SRGAP2B: variants seen among roughly 807,000 people sequenced by gnomAD.
SRGAP2B encodes the protein SLIT-ROBO Rho GTPase activating protein 2B, also known as SLIT-ROBO Rho GTPase-activating protein 2B.
A neutral mutation model predicts 22.2 loss-of-function variants in SRGAP2B; 9 were observed. That is an observed-to-expected ratio of 0.41 (90% CI 0.24 to 0.71). SRGAP2B has a LOEUF of 0.71. Ranked by LOEUF, SRGAP2B falls within the 30% of genes least tolerant of loss-of-function variation. SRGAP2B has a pLI of 0.35. For synonymous variants in SRGAP2B, 36 were observed against 87.4 expected, an observed-to-expected ratio of 0.41 and a Z score of 3.28; for missense variants, 114 against 235.8, an observed-to-expected ratio of 0.48 and a Z score of 3.38.
At chr1:144,984,242 C>T (rs1669527373) in intron 3 of SRGAP2B, among the ~76,000 whole-genome samples, 1 of 149,902 alleles carries the variant, frequency 6.7e-6, no homozygotes, top group Admixed American at 6.6e-5. Context: ...ATAGCTTGAA[C>T]CTGGGAGGCA....
chr1:144,970,974 A>C (rs1309372223), intron 3 of SRGAP2B, among the ~76,000 whole-genome samples: 1 of 150,058 alleles, frequency 6.7e-6, no homozygotes, highest in East Asian at 1.9e-4. Context: ...AATTATGACA[A>C]CTATCATTAC....
chr1:145,021,850 T>C (rs1448992151), intron 2 of SRGAP2B, among the ~76,000 whole-genome samples: 2 of 139,880 alleles, frequency 1.4e-5, no homozygotes, highest in Admixed American at 1.4e-4. Flanking sequence ...AGATGACCAT[T>C]TGGGGATGTA....
rs372026981 is a variant in SRGAP2B, at chr1:145,025,966, G to A, written c.68-30766C>T. 3.7e-4 allele frequency among the ~76,000 whole-genome samples: 54 copies of A among 144,088 alleles called. No individual in the cohort carries two copies. In the East Asian group the frequency reaches 6.6e-3, roughly 18 times the overall value. 94.5% of individuals were successfully genotyped at this position (144,088 alleles called of 152,430 possible). A position where few individuals can be genotyped will look rare whatever the true frequency, so the allele number is the denominator to read the frequency against. On this transcript the variant is annotated intron_variant, in intron 2 of 9. Coordinates refer to ENST00000612199, the Ensembl canonical transcript of SRGAP2B. ...TTGGGGAGGGCAGGGGATGGGAGGC[G>A]GAAAGGGAAAGAATGAATGAAAATC...
intron 4 of SRGAP2B, among the ~76,000 whole-genome samples, chr1:144,916,041 C>G (rs1405045589): frequency 6.7e-6 from 1 of 148,268 alleles, no homozygotes; most frequent in Non-Finnish European, 1.5e-5. Flanking sequence ...TAAGATCTTG[C>G]TTTTTTTCAA....
At chr1:144,914,324 G>A (rs201014404) in intron 5 of SRGAP2B, among the ~76,000 whole-genome samples, 30 of 150,766 alleles carry the variant, frequency 2.0e-4, no homozygotes, top group South Asian at 1.5e-3. Flanking sequence ...CTTTCCGACA[G>A]GCACATATTA....
intron 3 of SRGAP2B, among the ~76,000 whole-genome samples, chr1:144,976,365 A>G (rs587773095): frequency 7.0e-6 from 1 of 142,704 alleles, no homozygotes; most frequent in African/African-American, 2.9e-5. Flanking sequence ...ATAGGCTTTA[A>G]TATATATAAA....
chr1:144,980,602 C>G (rs1367162447), intron 3 of SRGAP2B, among the ~76,000 whole-genome samples: 1 of 151,678 alleles, frequency 6.6e-6, no homozygotes, highest in Non-Finnish European at 1.5e-5. Context: ...AGACGCAGAA[C>G]TGTGCTCATT....
chr1:145,058,629 T>A (rs1650662604), intron 2 of SRGAP2B, among the ~76,000 whole-genome samples: 1 of 93,664 alleles, frequency 1.1e-5, no homozygotes, highest in Non-Finnish European at 2.1e-5. Flanking sequence ...TTTTTTTTTT[T>A]TTTTTTTTTT....
chr1:144,963,201 G>A (rs587678190), intron 3 of SRGAP2B, among the ~76,000 whole-genome samples: 1 of 150,314 alleles, frequency 6.7e-6, no homozygotes, highest in Non-Finnish European at 1.5e-5. Flanking sequence ...AACCCTCTTG[G>A]TACAATCTAC....
intron 2 of SRGAP2B, among the ~76,000 whole-genome samples, chr1:145,044,323 T>C (rs587772403): frequency 2.5e-5 from 3 of 120,126 alleles, no homozygotes; most frequent in Non-Finnish European, 5.0e-5. Flanking sequence ...AATATGAGCA[T>C]CTAAAACAAT....
At chr1:145,008,686 TTC>T (rs201549757) in intron 2 of SRGAP2B, among the ~76,000 whole-genome samples, 4,065 of 130,382 alleles carry the variant, frequency 0.031, 307 homozygotes, top group African/African-American at 0.12. Flanking sequence ...CTGTGGCCTG[TTC>T]TCTTAGTTTC....
chr1:144,904,698 C>CAAAA (rs1192600476), intron 7 of SRGAP2B, among the ~76,000 whole-genome samples: 1 of 16,938 alleles, frequency 5.9e-5, no homozygotes, highest in Admixed American at 1.1e-3. Context: ...GACTCTATCT[C>CAAAA]AAAAAAAAAA....
chr1:144,992,328 C>T (rs587695901), intron 3 of SRGAP2B, among the ~76,000 whole-genome samples: 5 of 151,082 alleles, frequency 3.3e-5, no homozygotes, highest in East Asian at 1.9e-4. Context: ...CCACCAATTC[C>T]GGACACAAGA....
At chr1:145,006,347 A>T (rs1328934206) in intron 2 of SRGAP2B, among the ~76,000 whole-genome samples, 5 of 150,642 alleles carry the variant, frequency 3.3e-5, no homozygotes, top group African/African-American at 1.2e-4. Context: ...CCAAGCAATC[A>T]TCCTCTCATG....
intron 4 of SRGAP2B, among the ~76,000 whole-genome samples, chr1:144,945,542 A>G (rs1666433325): frequency 6.6e-6 from 1 of 151,720 alleles, no homozygotes; most frequent in South Asian, 2.1e-4. Flanking sequence ...AGTGAGCTGT[A>G]ATCATGCAAC....
chr1:144,998,300 A>G (rs1290761833), intron 2 of SRGAP2B, among the ~76,000 whole-genome samples: 1 of 67,358 alleles, frequency 1.5e-5, no homozygotes, highest in Non-Finnish European at 2.9e-5. Flanking sequence ...CAATCTGTCC[A>G]CAACCACACT....
At position 144,975,551 on chromosome 1, in the gene SRGAP2B, T is replaced by C. The variant is rs1268577481; in HGVS notation, c.260+19457A>G. Among the ~76,000 whole-genome samples, 17 of 145,804 alleles carry C rather than the reference T, an allele frequency of 1.2e-4. No homozygotes were observed. The South Asian group carries it at 3.6e-3, about 30-fold the overall frequency. ...GTTTGCTTTCTTTTCACTCATTCCCTAGCCTTTCAGCTTCTCCGCCATGTT... is the reference window on the plus strand; with the variant it reads ...GTTTGCTTTCTTTTCACTCATTCCCCAGCCTTTCAGCTTCTCCGCCATGTT... On this transcript the variant is annotated intron_variant, in intron 3 of 9. Transcript: ENST00000612199.
rs1305317405 is a variant in SRGAP2B at position 145,044,837 on chromosome 1, G to A, written c.67+47998C>T. On this transcript the variant is annotated intron_variant, in intron 2 of 9. Coordinates refer to ENST00000612199, the Ensembl canonical transcript of SRGAP2B. The stretch of plus-strand genomic sequence containing the variant: ...AAACCAACTGGAGGGATATAGGGAG[G>A]TGCCAAGTTGCAGAGGTATCATGTT... Among the ~76,000 whole-genome samples, 17 of 148,616 alleles carry A rather than the reference G, an allele frequency of 1.1e-4. No homozygotes were observed. The South Asian group carries it at 1.3e-3, about 11-fold the overall frequency.
intron 4 of SRGAP2B, among the ~76,000 whole-genome samples, chr1:144,925,220 A>G (rs1386806124): frequency 1.3e-5 from 2 of 149,982 alleles, no homozygotes; most frequent in Non-Finnish European, 2.9e-5. Flanking sequence ...GGCCGGGATG[A>G]TCTCGAACTC....
Sources: gnomAD v4.1 joint callset for allele counts (sites outside exome capture counted in the v4.1 genomes callset) on GRCh38, gnomAD v4.1.1 for gene constraint, MANE v1.5 for transcripts, NCBI Gene and HGNC (gene_info 2026-07-23, HGNC 2026-07-21) for gene names.